ETV4: variants seen among roughly 807,000 people sequenced by gnomAD.
ETV4 encodes the protein ETS translocation variant 4.
In ETV4, 42 loss-of-function variants were observed where a neutral mutation model predicts 65.9. The observed-to-expected ratio is 0.64, with a 90% CI of 0.50 to 0.82. The LOEUF is 0.82. ETV4 is among the 40% of genes least tolerant of loss of function. ETV4 has a pLI of 0.00. For synonymous variants in ETV4, 238 were observed against 260.0 expected (o/e 0.92, Z 0.81); for missense variants, 583 against 630.3 (o/e 0.92, Z 0.80).
In ETV4 at chr17:43,529,415, A is replaced by T. The variant is rs1970767240; in HGVS notation, c.1128+89T>A. The T allele has an allele frequency of 6.7e-6, 10 of 1,490,006 alleles. No individual in the cohort carries two copies. The Admixed American group carries it at 1.9e-4, about 29-fold the overall frequency. 92.3% of individuals were successfully genotyped at this position (1,490,006 alleles called of 1,614,324 possible). On this transcript the variant is annotated intron_variant, in intron 11 of 12. Transcript: ENST00000319349. ...CAGGTTAGGTAAAGCAAGAATCATG[A>T]TGGAGGCACGTGCCACCATTTCCCA...
At chr17:43,539,183 T>C (rs182246364) in intron 4 of ETV4, among the ~76,000 whole-genome samples, 18 of 152,326 alleles carry the variant, frequency 1.2e-4, no homozygotes, top group Admixed American at 1.0e-3. Context: ...TCCAAGGCTC[T>C]GCATGACTTG....
At chr17:43,541,420 G>A (rs964364447) in intron 4 of ETV4, among the ~76,000 whole-genome samples, 2 of 152,182 alleles carry the variant, frequency 1.3e-5, no homozygotes, top group African/African-American at 4.8e-5. Context: ...CTAAGATGGA[G>A]TTTATCTGTC....
intron 4 of ETV4, among the ~76,000 whole-genome samples, chr17:43,541,837 A>T (rs1341654875): frequency 1.3e-5 from 2 of 152,122 alleles, no homozygotes; most frequent in Non-Finnish European, 2.9e-5. Context: ...AGTCTTCAGG[A>T]AGGGGAAGAG....
At chr17:43,536,558 G>A in intron 4 of ETV4, 79 bp from the exon 5 acceptor site, 1 of 1,280,172 alleles carries the variant, frequency 7.8e-7, no homozygotes, top group Admixed American at 1.7e-5. Context: ...CAGCCCTGCA[G>A]ATTAGCAACA....
chr17:43,539,789 C>T (rs1430526409), intron 4 of ETV4, among the ~76,000 whole-genome samples: 3 of 152,198 alleles, frequency 2.0e-5, no homozygotes, highest in Admixed American at 2.0e-4. Context: ...GCACATCTCA[C>T]AGGGGATATT....
rs1415677125 is a variant in ETV4 at position 43,545,624 on chromosome 17, G to T, written c.-7C>A. On this transcript the variant is annotated 5_prime_UTR_variant, in exon 2 of 13. Transcript: ENST00000319349. ...CTTTCATCCTCCGCTCCATCCGGCC[G>T]CTCCCTCCGGCCGCACGGCCGGGGC... The T allele has an allele frequency of 1.3e-6, 2 of 1,550,224 alleles. No individual in the cohort carries two copies. Among genetic ancestry groups the T allele is most frequent in the African/African-American group, 1.4e-5 (1 of 72,984 alleles).
intron 12 of ETV4, 89 bp downstream of exon 12, chr17:43,529,046 G>T: frequency 8.4e-7 from 1 of 1,196,006 alleles, no homozygotes; most frequent in Non-Finnish European, 1.2e-6. Context: ...CTACAAAGTT[G>T]CTGAGAACTG....
intron 4 of ETV4, among the ~76,000 whole-genome samples, chr17:43,541,211 C>T (rs1222875819): frequency 2.0e-5 from 3 of 152,218 alleles, no homozygotes; most frequent in African/African-American, 7.2e-5. Flanking sequence ...AGGGGTAGGC[C>T]AGGGCCCTCA....
chr17:43,529,014 C>A, intron 12 of ETV4, 121 bp downstream of exon 12: 1 of 988,076 alleles, frequency 1.0e-6, no homozygotes. Flanking sequence ...TCTTGTCTCT[C>A]TGACTGATTC....
intron 11 of ETV4, 89 bp from the exon 12 acceptor site, chr17:43,529,325 G>A (rs759292567): frequency 1.4e-6 from 2 of 1,438,670 alleles, no homozygotes; most frequent in East Asian, 2.3e-5. Flanking sequence ...GAGATTCTTG[G>A]TGCAAAGTGC....
At chr17:43,529,739 C>A in intron 10 of ETV4, 63 bp from the exon 11 acceptor site, 1 of 1,590,492 alleles carries the variant, frequency 6.3e-7, no homozygotes, top group South Asian at 1.1e-5. Context: ...GCAACCGCCT[C>A]CCACCCGAGG....
Position 43,545,657 on chromosome 17 carries a change from G to C in ETV4, c.-40C>G. The stretch of plus-strand genomic sequence containing the variant: ...CGGCCGCACGGCCGGGGCCCCAAGC[G>C]GGGGCCGAGACCTGGTGGGGGAGGG... On this transcript the variant is annotated 5_prime_UTR_variant, in exon 2 of 13. Coordinates refer to ENST00000319349, the MANE Select transcript of ETV4 (RefSeq NM_001079675.5). The C allele has an allele frequency of 6.5e-7, 1 of 1,542,792 alleles. No homozygotes were observed.
At chr17:43,538,531 A>C (rs953978732) in intron 4 of ETV4, among the ~76,000 whole-genome samples, 7 of 152,104 alleles carry the variant, frequency 4.6e-5, no homozygotes, top group African/African-American at 1.4e-4. Context: ...GGAAAACTGA[A>C]ATACAGCAGC....
intron 4 of ETV4, among the ~76,000 whole-genome samples, chr17:43,538,943 C>T (rs1223706212): frequency 1.3e-5 from 2 of 152,224 alleles, no homozygotes; most frequent in South Asian, 4.2e-4. Flanking sequence ...TCCACACCCC[C>T]GGCCTATACA....
intron 4 of ETV4, among the ~76,000 whole-genome samples, chr17:43,543,210 C>T (rs867810691): frequency 1.3e-5 from 2 of 151,482 alleles, no homozygotes; most frequent in Non-Finnish European, 2.9e-5. Context: ...CTTGCAATCC[C>T]CACCCCACCT....
At chr17:43,537,771 G>A (rs1055093055) in intron 4 of ETV4, among the ~76,000 whole-genome samples, 2 of 151,878 alleles carry the variant, frequency 1.3e-5, no homozygotes, top group Non-Finnish European at 2.9e-5. Flanking sequence ...GTGGTGGGCG[G>A]ATCACGAGGT....
At chr17:43,536,359 C>G (rs1419865090) in intron 5 of ETV4, 67 bp downstream of exon 5, 12 of 1,389,584 alleles carry the variant, frequency 8.6e-6, no homozygotes, top group Non-Finnish European at 8.2e-6. Context: ...TTGTGATTCT[C>G]TATCCTATGA....
intron 4 of ETV4, among the ~76,000 whole-genome samples, chr17:43,543,218 C>T (rs1971612481): frequency 6.7e-6 from 1 of 150,096 alleles, no homozygotes; most frequent in Non-Finnish European, 1.5e-5. Context: ...CCCCACCCCA[C>T]CTCCCCACCC....
In ETV4 at chr17:43,528,182, T is replaced by G. The variant is rs867116796; in HGVS notation, c.*337A>C. ...TGCCAGTATGAAGTTGGGAAGCGCC[T>G]TCTCTGTCCCCCAGAACAGAACAAA... On this transcript the variant is annotated 3_prime_UTR_variant, in exon 13 of 13. Transcript: ENST00000319349. 1 of 263,228 alleles carries G rather than the reference T, an allele frequency of 3.8e-6. No individual in the cohort carries two copies. The highest frequency in any genetic ancestry group is 1.1e-3 in the Middle Eastern group (1 of 928). 16.3% of individuals were successfully genotyped at this position (263,228 alleles called of 1,614,324 possible).
Sources: allele counts gnomAD v4.1 joint callset (sites outside exome capture counted in the v4.1 genomes callset), GRCh38; gene constraint gnomAD v4.1.1; transcripts MANE v1.5; gene names NCBI Gene and HGNC (gene_info 2026-07-23, HGNC 2026-07-21).